The following ADAMTS17 variants were observed in gnomAD, a reference collection of about 807,000 sequenced individuals.
ADAMTS17 encodes the protein A disintegrin and metalloproteinase with thrombospondin motifs 17.
ADAMTS17 carries 113 observed loss-of-function variants against 141.5 expected under a neutral mutation model. That is an observed-to-expected ratio of 0.80 (90% CI 0.69 to 0.93). The LOEUF (loss-of-function observed/expected upper bound fraction) is 0.93, where lower values mean the gene tolerates loss of function less well. ADAMTS17 is among the 40% of genes least tolerant of loss of function. ADAMTS17 has a pLI of 0.00. For missense variants in ADAMTS17, 1,659 were observed against 1,517.9 expected (o/e 1.09, Z -1.54); for synonymous variants, 768 against 630.6 (o/e 1.22, Z -3.27).
intron 7 of ADAMTS17, among the ~76,000 whole-genome samples, chr15:100,206,925 G>C (rs142949995): frequency 6.6e-6 from 1 of 152,310 alleles, no homozygotes; most frequent in Admixed American, 6.5e-5. Context: ...GGCCACGAGC[G>C]GAGGCTGCTC....
intron 8 of ADAMTS17, among the ~76,000 whole-genome samples, chr15:100,164,707 G>T (rs1375621396): frequency 6.6e-6 from 1 of 152,128 alleles, no homozygotes; most frequent in African/African-American, 2.4e-5. Context: ...GAAAGGAAAA[G>T]TTCCCACCCC....
chr15:100,053,500 T>C (rs957915697), intron 16 of ADAMTS17, among the ~76,000 whole-genome samples: 1 of 152,188 alleles, frequency 6.6e-6, no homozygotes, highest in Non-Finnish European at 1.5e-5. Flanking sequence ...GGTAATGATA[T>C]ACACTCTGTG....
intron 12 of ADAMTS17, among the ~76,000 whole-genome samples, chr15:100,130,315 G>A (rs1294378683): frequency 6.7e-6 from 1 of 149,780 alleles, no homozygotes; most frequent in African/African-American, 2.5e-5. Flanking sequence ...AGTGAGCCGA[G>A]ACTGGGCCAC....
At chr15:100,049,425 G>C (rs28675950) in intron 17 of ADAMTS17, among the ~76,000 whole-genome samples, 46,086 of 152,080 alleles carry the variant, frequency 0.3, 7,810 homozygotes, top group East Asian at 0.49. Flanking sequence ...CTGCTTGCTG[G>C]GGAGAAGTGG....
intron 15 of ADAMTS17, among the ~76,000 whole-genome samples, chr15:100,072,818 A>T (rs957603086): frequency 1.3e-5 from 2 of 152,220 alleles, no homozygotes; most frequent in African/African-American, 4.8e-5. Flanking sequence ...AAGAAAACCT[A>T]GGCAATACCA....
chr15:100,262,411 TCTGGTG>T lies in ADAMTS17; in HGVS notation c.808_813del (p.His270_Gln271del). 6.2e-7 allele frequency: 1 copy of T among 1,613,818 alleles called. No homozygotes were observed. The highest frequency in any genetic ancestry group is 8.5e-7 in the Non-Finnish European group (1 of 1,179,890). On this transcript the variant is annotated inframe_deletion, in exon 5 of 22. Transcript: ENST00000268070. ...TGAATGTTAATTTTAATCCCCAGGC[TCTGGTG>T]CTGAAACATATTGTATACCTATCAA...
intron 7 of ADAMTS17, among the ~76,000 whole-genome samples, chr15:100,223,765 CAT>C (rs1301843720): frequency 6.6e-6 from 1 of 150,506 alleles, no homozygotes; most frequent in Non-Finnish European, 1.5e-5. Context: ...TACACACACA[CAT>C]ATATATATCC....
chr15:100,188,058 T>G (rs1034019375), intron 8 of ADAMTS17, among the ~76,000 whole-genome samples: 1 of 151,132 alleles, frequency 6.6e-6, no homozygotes, highest in Non-Finnish European at 1.5e-5. Flanking sequence ...CATTCCAGCC[T>G]GGGTGACAGA....
intron 2 of ADAMTS17, among the ~76,000 whole-genome samples, chr15:100,333,887 C>A (rs987696516): frequency 6.6e-6 from 1 of 152,236 alleles, no homozygotes; most frequent in African/African-American, 2.4e-5. Flanking sequence ...CTATGGCAGA[C>A]AGAACTGGCA....
At chr15:100,132,643 C>G (rs896289788) in intron 11 of ADAMTS17, among the ~76,000 whole-genome samples, 3 of 152,230 alleles carry the variant, frequency 2.0e-5, no homozygotes, top group Non-Finnish European at 4.4e-5. Context: ...GTGCACAGCA[C>G]ATACCCTGAG....
chr15:100,277,328 G>T (rs140955058), intron 4 of ADAMTS17, among the ~76,000 whole-genome samples: 1 of 151,890 alleles, frequency 6.6e-6, no homozygotes, highest in African/African-American at 2.4e-5. Flanking sequence ...CAGTCTTTAC[G>T]GCCCATGAGG....
At chr15:100,029,988 T>C (rs1567693947) in intron 18 of ADAMTS17, among the ~76,000 whole-genome samples, 1 of 152,096 alleles carries the variant, frequency 6.6e-6, no homozygotes, top group Admixed American at 6.5e-5. Context: ...CTCCTGGGGA[T>C]TTCAGCACAG....
chr15:100,039,966 T>C (rs2035340), intron 18 of ADAMTS17, among the ~76,000 whole-genome samples: 7,035 of 152,306 alleles, frequency 0.046, 335 homozygotes, highest in African/African-American at 0.12. Context: ...TGTATTCTAG[T>C]AGTTTTTTTA....
chr15:100,136,087 A>C (rs1310627405), intron 10 of ADAMTS17, among the ~76,000 whole-genome samples: 1 of 152,240 alleles, frequency 6.6e-6, no homozygotes, highest in Admixed American at 6.5e-5. Context: ...TATATAACGC[A>C]AAAAATGTGT....
At chr15:100,329,759 T>C (rs942867876) in intron 3 of ADAMTS17, among the ~76,000 whole-genome samples, 7 of 152,138 alleles carry the variant, frequency 4.6e-5, no homozygotes, top group Admixed American at 4.6e-4. Flanking sequence ...CCTCTAATAC[T>C]CACCTTGCCC....
intron 8 of ADAMTS17, among the ~76,000 whole-genome samples, chr15:100,190,978 G>A (rs539758076): frequency 1.0e-3 from 159 of 152,260 alleles, no homozygotes; most frequent in African/African-American, 3.8e-3. Flanking sequence ...GTGGCTCACC[G>A]TCTGCAAAAT....
intron 8 of ADAMTS17, among the ~76,000 whole-genome samples, chr15:100,160,186 G>A (rs1319595756): frequency 6.6e-6 from 1 of 151,744 alleles, no homozygotes. Flanking sequence ...TCTCCCTGTA[G>A]GCATTCTCTA....
intron 20 of ADAMTS17, among the ~76,000 whole-genome samples, chr15:99,982,509 G>A (rs1052784323): frequency 2.6e-5 from 4 of 152,194 alleles, no homozygotes; most frequent in Admixed American, 6.5e-5. Flanking sequence ...GTGGGCGCAC[G>A]GGGTGAATTC....
At chr15:100,158,501 T>C (rs888640972) in intron 8 of ADAMTS17, among the ~76,000 whole-genome samples, 1 of 152,188 alleles carries the variant, frequency 6.6e-6, no homozygotes, top group African/African-American at 2.4e-5. Flanking sequence ...AAGCTTACAA[T>C]ACAGTATTGC....
Sources: allele counts gnomAD v4.1 joint callset (sites outside exome capture counted in the v4.1 genomes callset), GRCh38; gene constraint gnomAD v4.1.1; transcripts MANE v1.5; gene names NCBI Gene and HGNC (gene_info 2026-07-23, HGNC 2026-07-21).